WASF3: variants seen among roughly 807,000 people sequenced by gnomAD.
The protein encoded by WASF3 is actin-binding protein WASF3.
Under a neutral mutation model 46.6 loss-of-function variants are expected in WASF3, and 11 were observed. That is an observed-to-expected ratio of 0.24 (90% CI 0.15 to 0.39). The LOEUF is 0.39. Among genes scored for constraint, WASF3 ranks in the 10% least tolerant of loss-of-function variants. The probability of loss-of-function intolerance (pLI) is 1.00; values close to 1 mark genes in which losing one functional copy is unlikely to be tolerated. For synonymous variants in WASF3, 242 were observed against 259.7 expected, an observed-to-expected ratio of 0.93 and a Z score of 0.65; for missense variants, 576 against 669.8, an observed-to-expected ratio of 0.86 and a Z score of 1.55.
At chr13:26,662,684 G>A (rs554569001) in intron 3 of WASF3, among the ~76,000 whole-genome samples, 3 of 152,330 alleles carry the variant, frequency 2.0e-5, no homozygotes, top group South Asian at 4.1e-4. Context: ...CCAACAAAGT[G>A]TCTCTTGGAT....
At chr13:26,646,967 G>A (rs762884128) in intron 3 of WASF3, among the ~76,000 whole-genome samples, 2 of 152,186 alleles carry the variant, frequency 1.3e-5, no homozygotes, top group Non-Finnish European at 2.9e-5. Flanking sequence ...ATAGCAAATG[G>A]AATTCTGAAG....
chr13:26,578,552 T>G (rs1176228868), intron 1 of WASF3, among the ~76,000 whole-genome samples: 1 of 152,178 alleles, frequency 6.6e-6, no homozygotes, highest in Non-Finnish European at 1.5e-5. Context: ...AGAAGTCATG[T>G]GAATAAGTTC....
chr13:26,658,926 A>G (rs937163989), intron 3 of WASF3, among the ~76,000 whole-genome samples: 2 of 152,242 alleles, frequency 1.3e-5, no homozygotes, highest in South Asian at 2.1e-4. Context: ...AGTACCTACT[A>G]TAAGCCAGGC....
At chr13:26,649,688 G>T (rs1882254985) in intron 3 of WASF3, among the ~76,000 whole-genome samples, 2 of 152,204 alleles carry the variant, frequency 1.3e-5, no homozygotes, top group Non-Finnish European at 2.9e-5. Flanking sequence ...TTCCACACTT[G>T]TGTGTTTTTC....
At chr13:26,557,907 G>A in intron 1 of WASF3, 88 bp downstream of exon 1, 1 of 278,446 alleles carries the variant, frequency 3.6e-6, no homozygotes, top group Middle Eastern at 1.1e-3. Context: ...CGGGGGAGGG[G>A]CGGCCCCACG....
the WASF3 span, among the ~76,000 whole-genome samples, chr13:26,552,644 G>A: frequency 1.4e-5 from 1 of 70,606 alleles, no homozygotes; most frequent in Non-Finnish European, 2.8e-5. Context: ...GTACAAATGA[G>A]CATGTCAAAA....
intron 1 of WASF3, among the ~76,000 whole-genome samples, chr13:26,600,269 C>G (rs1019401158): frequency 1.3e-5 from 2 of 152,176 alleles, no homozygotes; most frequent in Non-Finnish European, 2.9e-5. Context: ...TGGTTAAAAG[C>G]ATGGTCTCTG....
At chr13:26,654,128 C>T (rs1882398443) in intron 3 of WASF3, among the ~76,000 whole-genome samples, 1 of 151,950 alleles carries the variant, frequency 6.6e-6, no homozygotes, top group African/African-American at 2.4e-5. Context: ...GTTGGATTTC[C>T]AGTCACTCCC....
chr13:26,685,918 G>GT lies in WASF3; in HGVS notation c.*74dup. 1 of 1,563,612 alleles carries GT rather than the reference G, an allele frequency of 6.4e-7. No individual in the cohort carries two copies. The highest frequency in any genetic ancestry group is 8.7e-7 in the Non-Finnish European group (1 of 1,145,650). ...AAGTGGTCTCTACACCCAAATAGTG[G>GT]TATTCTAATCCCGTAGCATAGCACC... On this transcript the variant is annotated 3_prime_UTR_variant, in exon 10 of 10. Transcript: ENST00000335327.
At chr13:26,559,808 CTTTTTTTT>C (rs770616922) in intron 1 of WASF3, among the ~76,000 whole-genome samples, 20 of 73,416 alleles carry the variant, frequency 2.7e-4, no homozygotes, top group African/African-American at 5.4e-4. Flanking sequence ...TTCTTTCTTT[CTTTTTTTT>C]TTTTTTTTTT....
chr13:26,671,007 T>C (rs1882911504), intron 5 of WASF3, among the ~76,000 whole-genome samples: 2 of 152,216 alleles, frequency 1.3e-5, no homozygotes, highest in South Asian at 4.1e-4. Flanking sequence ...CTGATTTTGC[T>C]TCCCCTGTGT....
chr13:26,609,145 C>G (rs551128916), intron 1 of WASF3, among the ~76,000 whole-genome samples: 4 of 152,270 alleles, frequency 2.6e-5, no homozygotes, highest in African/African-American at 9.6e-5. Context: ...TAGATACAAC[C>G]TGTTCTCAGG....
intron 1 of WASF3, among the ~76,000 whole-genome samples, chr13:26,559,153 C>T (rs1259707240): frequency 6.6e-6 from 1 of 152,204 alleles, no homozygotes; most frequent in Non-Finnish European, 1.5e-5. Flanking sequence ...ATTGTGTCCT[C>T]TCCAGCTCCC....
chr13:26,626,019 A>G (rs1255741581), intron 2 of WASF3: 1 of 152,224 alleles, frequency 6.6e-6, no homozygotes, highest in African/African-American at 2.4e-5. Context: ...AACCACTAGC[A>G]GGATGTGTTA....
At position 26,682,527 on chromosome 13, in the gene WASF3, C is replaced by G; in HGVS notation, c.984-80C>G. On this transcript the variant is annotated intron_variant, in intron 8 of 9. Transcript: ENST00000335327. This position sits in a 1 kb window ranked among gnomAD's most constrained non-coding sequence, Gnocchi z 4.4. ...CAATACGTGTTGTGTCTGGGGATGG[C>G]TCCGTTAGGTGTCTAAGAGCTCCCA... 6.4e-7 allele frequency: 1 copy of G among 1,563,570 alleles called. No homozygotes were observed. The highest frequency in any genetic ancestry group is 1.4e-5 in the African/African-American group (1 of 73,274).
At chr13:26,543,878 G>C in the WASF3 span, among the ~76,000 whole-genome samples, 1 of 152,166 alleles carries the variant, frequency 6.6e-6, no homozygotes, top group Non-Finnish European at 1.5e-5. Context: ...TATGTCATTA[G>C]CTGTAGCCAT....
At chr13:26,546,109 T>G in the WASF3 span, among the ~76,000 whole-genome samples, 1 of 152,228 alleles carries the variant, frequency 6.6e-6, no homozygotes, top group Non-Finnish European at 1.5e-5. Context: ...GGGTCATACA[T>G]AATTTAGGAT....
the WASF3 span, among the ~76,000 whole-genome samples, chr13:26,552,338 T>G: frequency 6.6e-6 from 1 of 152,236 alleles, no homozygotes; most frequent in Non-Finnish European, 1.5e-5. Flanking sequence ...TCTCATAATT[T>G]TCCTCACCTC....
intron 1 of WASF3, among the ~76,000 whole-genome samples, chr13:26,582,021 T>G (rs1386113583): frequency 6.6e-6 from 1 of 152,198 alleles, no homozygotes; most frequent in Non-Finnish European, 1.5e-5. Flanking sequence ...TTGAACCAAA[T>G]TTATGGTTCA....
Sources: allele counts gnomAD v4.1 joint callset (sites outside exome capture counted in the v4.1 genomes callset), GRCh38; gene constraint gnomAD v4.1.1; non-coding constraint Gnocchi (gnomAD v3.1); transcripts MANE v1.5; gene names NCBI Gene and HGNC (gene_info 2026-07-23, HGNC 2026-07-21).